The following ANKHD1 variants were observed in gnomAD, a reference collection of about 807,000 sequenced individuals.
ANKHD1 encodes ankyrin repeat and KH domain containing 1.
Under a neutral mutation model 230.5 loss-of-function variants are expected in ANKHD1, and 31 were observed. The ratio of observed to expected loss-of-function variants is 0.13; its 90% confidence interval spans 0.10 to 0.18. The LOEUF is 0.18. Ranked by LOEUF, ANKHD1 falls within the 10% of genes least tolerant of loss-of-function variation. The pLI, the probability that ANKHD1 is intolerant of heterozygous loss-of-function variation, is 1.00. For synonymous variants in ANKHD1, 1,074 were observed against 1,117.6 expected, an observed-to-expected ratio of 0.96 and a Z score of 0.78; for missense variants, 2,256 against 3,071.3, an observed-to-expected ratio of 0.73 and a Z score of 6.27.
At chr5:140,533,222 A>T (rs1753914385) in intron 29 of ANKHD1, among the ~76,000 whole-genome samples, 1 of 152,098 alleles carries the variant, frequency 6.6e-6, no homozygotes, top group South Asian at 2.1e-4. Flanking sequence ...CCAAGTCAGG[A>T]GGATCACTTG....
At chr5:140,419,519 G>T (rs1330563126) in intron 1 of ANKHD1, among the ~76,000 whole-genome samples, 1 of 134,558 alleles carries the variant, frequency 7.4e-6, no homozygotes, top group Non-Finnish European at 1.5e-5. Context: ...GAATGTAGTT[G>T]CCCAATCATA....
chr5:140,468,052 CTTTTTTTTTTTTTTTTTTTTTTTTTTTTT>C (rs869172143), intron 10 of ANKHD1, among the ~76,000 whole-genome samples: 5 of 52,380 alleles, frequency 9.5e-5, no homozygotes, highest in Non-Finnish European at 1.6e-4. Flanking sequence ...TGTACTAATT[CTTTTTTTTTTTTTTTTTTTTTTTTTTTTT>C]TTTTTTTTTT....
At chr5:140,468,259 G>C (rs1431345338) in intron 10 of ANKHD1, among the ~76,000 whole-genome samples, 1 of 142,146 alleles carries the variant, frequency 7.0e-6, no homozygotes, top group Non-Finnish European at 1.5e-5. Flanking sequence ...GCAAGACTCC[G>C]TCTCAAAAAA....
chr5:140,429,768 ATTATT>A (rs1409722980), intron 1 of ANKHD1, among the ~76,000 whole-genome samples: 4 of 152,248 alleles, frequency 2.6e-5, no homozygotes, highest in African/African-American at 7.2e-5. Context: ...ATGAGATATT[ATTATT>A]TTATTACAGT....
At position 140,532,420 on chromosome 5, in the gene ANKHD1, T is replaced by G. The variant is rs551983918; in HGVS notation, c.6850+2624T>G. Among the ~76,000 whole-genome samples the G allele has an allele frequency of 9.9e-5, 15 of 151,934 alleles. No homozygotes were observed. In the South Asian group the frequency reaches 3.1e-3, roughly 32 times the overall value. ...GGTGATTGGAGGGTGGGTGATAGCT[T>G]AGGGGTGCAGAATTTCTTTTTCTTT... On this transcript the variant is annotated intron_variant, in intron 29 of 33. Transcript: ENST00000360839.
chr5:140,482,264 A>G (rs1245526931), intron 10 of ANKHD1, among the ~76,000 whole-genome samples: 1 of 152,122 alleles, frequency 6.6e-6, no homozygotes, highest in Non-Finnish European at 1.5e-5. Context: ...AATCCAGATA[A>G]ATAGTTGGGA....
Position 140,485,577 on chromosome 5 carries a change from ATTCT to A in ANKHD1, c.1999-9_1999-6del. 1.2e-6 allele frequency: 2 copies of A among 1,611,760 alleles called. No homozygotes were observed. Among genetic ancestry groups the A allele is most frequent in the Non-Finnish European group, 1.7e-6 (2 of 1,179,356 alleles). ...CTATAAAGAATTAATTATCATGGCA[ATTCT>A]TTTTCAGGATGGTTCAACAATGCTC... On this transcript the variant is annotated splice_polypyrimidine_tract_variant and splice_region_variant and intron_variant, in intron 12 of 33. Coordinates refer to ENST00000360839, the MANE Select transcript of ANKHD1 (RefSeq NM_017747.3). The surrounding 1 kb of genome is among the most constrained non-coding windows in gnomAD (Gnocchi z 4.8).
intron 1 of ANKHD1, among the ~76,000 whole-genome samples, chr5:140,413,615 C>T (rs1011941724): frequency 1.3e-5 from 2 of 152,114 alleles, no homozygotes; most frequent in African/African-American, 4.8e-5. Flanking sequence ...TGGCTTTGTT[C>T]TCTTAGCATA....
intron 29 of ANKHD1, among the ~76,000 whole-genome samples, chr5:140,532,331 G>A (rs1753866584): frequency 6.6e-6 from 1 of 152,142 alleles, no homozygotes; most frequent in Admixed American, 6.5e-5. Context: ...CCATTTATGT[G>A]AAACATCCAG....
chr5:140,524,887 T>C, intron 25 of ANKHD1: 1 of 224,230 alleles, frequency 4.5e-6, no homozygotes, highest in Non-Finnish European at 9.1e-6. Context: ...GATCACGAGG[T>C]CAGGAGTTTG....
At chr5:140,449,368 T>G in intron 7 of ANKHD1, 63 bp downstream of exon 7, 1 of 1,544,436 alleles carries the variant, frequency 6.5e-7, no homozygotes, top group Non-Finnish European at 8.8e-7. Context: ...TGTTTAAGCC[T>G]TTAAGAGTGA....
chr5:140,520,139 A>G (rs1450779691), intron 24 of ANKHD1, among the ~76,000 whole-genome samples: 2 of 152,216 alleles, frequency 1.3e-5, no homozygotes, highest in Middle Eastern at 3.4e-3. Flanking sequence ...GACACTTCTC[A>G]AAAGAAGACA....
At position 140,527,708 on chromosome 5, in the gene ANKHD1, A is replaced by G. The variant is rs898550751; in HGVS notation, c.5088-165A>G. On this transcript the variant is annotated intron_variant, in intron 27 of 33. Coordinates refer to ENST00000360839, the MANE Select transcript of ANKHD1 (RefSeq NM_017747.3). This position sits in a 1 kb window ranked among gnomAD's most constrained non-coding sequence, Gnocchi z 4.5. ...TTTTAACTTTACTAAATTCAATTCA[A>G]TATTACAAGAGATCAATTTCTAAAA... Among the ~76,000 whole-genome samples, 1 of 152,232 alleles carries G rather than the reference A, an allele frequency of 6.6e-6. No individual in the cohort carries two copies. Among genetic ancestry groups the G allele is most frequent in the African/African-American group, 2.4e-5 (1 of 41,464 alleles).
intron 10 of ANKHD1, among the ~76,000 whole-genome samples, chr5:140,479,252 C>A (rs917519246): frequency 2.6e-5 from 4 of 152,054 alleles, no homozygotes; most frequent in African/African-American, 9.7e-5. Flanking sequence ...CCCGCCTCGG[C>A]CTCCCAAAGT....
chr5:140,482,733 T>C (rs1179533868), intron 11 of ANKHD1, 66 bp downstream of exon 11: 3 of 1,556,372 alleles, frequency 1.9e-6, no homozygotes, highest in Admixed American at 1.9e-5. Flanking sequence ...TCCTAAACTG[T>C]TGCAATTTAT....
intron 33 of ANKHD1, 55 bp downstream of exon 33, chr5:140,539,138 G>T: frequency 6.4e-7 from 1 of 1,550,658 alleles, no homozygotes; most frequent in Non-Finnish European, 8.7e-7. Flanking sequence ...CATTCTTTTT[G>T]TTTTGTGAGA....
intron 25 of ANKHD1, among the ~76,000 whole-genome samples, chr5:140,525,405 G>A (rs1315484534): frequency 2.0e-5 from 3 of 151,844 alleles, no homozygotes; most frequent in African/African-American, 4.8e-5. Flanking sequence ...AGGGACCACA[G>A]GTATGCACCA....
rs1224142459 is a variant in ANKHD1, at chr5:140,505,103, T to G, written c.3151-19T>G. The G allele has an allele frequency of 1.2e-6, 2 of 1,604,646 alleles. No individual in the cohort carries two copies. Among genetic ancestry groups the G allele is most frequent in the African/African-American group, 2.7e-5 (2 of 74,210 alleles). On this transcript the variant is annotated intron_variant, in intron 16 of 33. Transcript: ENST00000360839. ...ACTTCTGTTAAAAAAAATTTTAACT[T>G]ATTTTTTTCTTCTCCTAGACTGAGA...
chr5:140,528,046 C>T, intron 28 of ANKHD1, 24 bp downstream of exon 28: 3 of 1,609,684 alleles, frequency 1.9e-6, no homozygotes, highest in Non-Finnish European at 2.5e-6. Flanking sequence ...ATGTATACTG[C>T]TAGTTCTGAG....
Sources: allele counts gnomAD v4.1 joint callset (sites outside exome capture counted in the v4.1 genomes callset), GRCh38; gene constraint gnomAD v4.1.1; non-coding constraint Gnocchi (gnomAD v3.1); transcripts MANE v1.5; gene names NCBI Gene and HGNC (gene_info 2026-07-23, HGNC 2026-07-21).